Variants in NSL1 observed in about 807,000 individuals in gnomAD.
NSL1 encodes the protein kinetochore-associated protein NSL1 homolog.
NSL1 carries 11 observed loss-of-function variants against 25.4 expected under a neutral mutation model. The ratio of observed to expected loss-of-function variants is 0.43; its 90% CI spans 0.27 to 0.72. NSL1 has a LOEUF of 0.72. Among genes scored for constraint, NSL1 ranks in the 30% least tolerant of loss-of-function variants. NSL1 has a pLI of 0.19. For missense variants in NSL1, 330 were observed against 342.7 expected, an observed-to-expected ratio of 0.96 and a Z score of 0.29; for synonymous variants, 118 against 120.6, an observed-to-expected ratio of 0.98 and a Z score of 0.14.
At chr1:212,776,121 TTG>T (rs1660355574) in intron 4 of NSL1, among the ~76,000 whole-genome samples, 1 of 152,176 alleles carries the variant, frequency 6.6e-6, no homozygotes, top group South Asian at 2.1e-4. Flanking sequence ...AGCCCGTAAA[TTG>T]TGTTTTTTAA....
At chr1:212,783,323 G>C (rs534822070) in intron 3 of NSL1, among the ~76,000 whole-genome samples, 6 of 152,148 alleles carry the variant, frequency 3.9e-5, no homozygotes, top group African/African-American at 1.4e-4. Context: ...GCAGTAACAA[G>C]GGCAACACTG....
intron 4 of NSL1, among the ~76,000 whole-genome samples, chr1:212,779,404 C>A (rs1247527240): frequency 7.7e-6 from 1 of 130,394 alleles, no homozygotes; most frequent in Non-Finnish European, 1.7e-5. Flanking sequence ...CCCCGCCCGG[C>A]CAGCCGCCCC....
rs952354602 is a variant in NSL1 at position 212,751,485 on chromosome 1, T to C, written c.500-11884A>G. 5.3e-5 allele frequency among the ~76,000 whole-genome samples: 8 copies of C among 152,346 alleles called. 1 individual carries two copies. Among genetic ancestry groups the C allele is most frequent in the Non-Finnish European group, 1.5e-5 (1 of 68,040 alleles). ...CAAAATACTGCTTTGTCAGGAATTA[T>C]ACTGTCCTCATAAGAATATAAGTTA... On this transcript the variant is annotated intron_variant, in intron 4 of 5. Transcript: ENST00000366977.
intron 4 of NSL1, among the ~76,000 whole-genome samples, chr1:212,768,528 A>C (rs766230272): frequency 6.6e-6 from 1 of 152,208 alleles, no homozygotes; most frequent in Non-Finnish European, 1.5e-5. Flanking sequence ...GAAAATGTGA[A>C]TCCTACTCAG....
chr1:212,755,954 T>C (rs1416959042), intron 4 of NSL1, among the ~76,000 whole-genome samples: 3 of 152,186 alleles, frequency 2.0e-5, no homozygotes, highest in Non-Finnish European at 4.4e-5. Context: ...ATAAATTTTC[T>C]GTAAATTATG....
In NSL1 at chr1:212,731,638, T is replaced by C; in HGVS notation, c.*6770A>G. Reference sequence around the variant, plus strand: ...CTAAGTTCATCCACAGAGTTAATACTTCCCACTTCGTCAGCTCTTTATTCT... The same window carrying C: ...CTAAGTTCATCCACAGAGTTAATACCTCCCACTTCGTCAGCTCTTTATTCT... On this transcript the variant is annotated 3_prime_UTR_variant, in exon 6 of 6. Coordinates refer to ENST00000366977, the MANE Select transcript of NSL1 (RefSeq NM_015471.4). 1.0e-6 allele frequency: 1 copy of C among 985,440 alleles called. No individual in the cohort carries two copies. The highest frequency in any genetic ancestry group is 1.2e-6 in the Non-Finnish European group (1 of 829,916). The allele number at this position is 985,440 out of a possible 1,614,324, so 61.0% of individuals were successfully genotyped here.
At chr1:212,770,357 T>A (rs962231229) in intron 4 of NSL1, among the ~76,000 whole-genome samples, 10 of 151,856 alleles carry the variant, frequency 6.6e-5, no homozygotes, top group Non-Finnish European at 1.2e-4. Context: ...CACAGAAATA[T>A]AAATGATCAT....
intron 4 of NSL1, among the ~76,000 whole-genome samples, chr1:212,770,276 A>G (rs1391377459): frequency 1.3e-5 from 2 of 152,218 alleles, no homozygotes; most frequent in Non-Finnish European, 2.9e-5. Flanking sequence ...GAAAAGATAA[A>G]TGAAACTGAT....
Position 212,755,704 on chromosome 1 carries a change from C to T in NSL1, c.500-16103G>A, listed in dbSNP as rs187900325. Among the ~76,000 whole-genome samples the T allele has an allele frequency of 1.4e-4, 21 of 151,716 alleles. No individual in the cohort carries two copies. In the East Asian group the frequency reaches 3.9e-3, roughly 28 times the overall value. On this transcript the variant is annotated intron_variant, in intron 4 of 5. Coordinates refer to ENST00000366977, the MANE Select transcript of NSL1 (RefSeq NM_015471.4). ...CTATTTGAAGATGTGTGGGATGTGA[C>T]AGATTGGGAGGCGAAGTTATGGTAT... is the stretch of plus-strand genomic sequence containing the variant.
chr1:212,735,701 T>C lies in NSL1; in HGVS notation c.*2707A>G, dbSNP rs943442616. On this transcript the variant is annotated 3_prime_UTR_variant, in exon 6 of 6. Coordinates refer to ENST00000366977, the MANE Select transcript of NSL1 (RefSeq NM_015471.4). Reference sequence around the variant, plus strand: ...AGGGTGGGGCTCTGATCTGATACAATTGGTGTCCTTATAAGAAGAGACACC... The same window carrying C: ...AGGGTGGGGCTCTGATCTGATACAACTGGTGTCCTTATAAGAAGAGACACC... 1.5e-5 allele frequency: 4 copies of C among 263,414 alleles called. No individual in the cohort carries two copies. Among genetic ancestry groups the C allele is most frequent in the South Asian group, 2.8e-4 (2 of 7,074 alleles). The allele number at this position is 263,414 out of a possible 1,614,324, so 16.3% of individuals were successfully genotyped here. A position where few individuals can be genotyped will look rare whatever the true frequency, so the allele number is the denominator to read the frequency against.
chr1:212,765,602 C>T (rs983842873), intron 4 of NSL1, among the ~76,000 whole-genome samples: 1 of 152,108 alleles, frequency 6.6e-6, no homozygotes, highest in Non-Finnish European at 1.5e-5. Context: ...AGGCAGACCA[C>T]CTGAGGTCAG....
intron 4 of NSL1, among the ~76,000 whole-genome samples, chr1:212,773,422 T>C (rs1021500471): frequency 6.6e-6 from 1 of 152,030 alleles, no homozygotes; most frequent in Non-Finnish European, 1.5e-5. Context: ...CCAAAAGATA[T>C]ATGAAAAGAT....
Position 212,737,459 on chromosome 1 carries a change from A to G in NSL1, c.*949T>C. ...TGGTAAGTTTGATGGCCCTGCCTACACTGTATAATGTAAGACACACAATAA... is the reference window on the plus strand; with the variant it reads ...TGGTAAGTTTGATGGCCCTGCCTACGCTGTATAATGTAAGACACACAATAA... On this transcript the variant is annotated 3_prime_UTR_variant, in exon 6 of 6. Coordinates refer to ENST00000366977, the MANE Select transcript of NSL1 (RefSeq NM_015471.4). The G allele has an allele frequency of 1.0e-6, 1 of 985,176 alleles. No homozygotes were observed. The highest frequency in any genetic ancestry group is 1.7e-5 in the African/African-American group (1 of 57,374). 61.0% of individuals were successfully genotyped at this position (985,176 alleles called of 1,614,324 possible).
In NSL1 at chr1:212,727,576, C is replaced by G. The variant is rs934340931; in HGVS notation, c.*10832G>C. ...GTGTGCCACATACTTCTCTCAAAAACTTTATGACTCAGTTGTCTGGAAGTT... is the reference window on the plus strand; with the variant it reads ...GTGTGCCACATACTTCTCTCAAAAAGTTTATGACTCAGTTGTCTGGAAGTT... On this transcript the variant is annotated 3_prime_UTR_variant, in exon 6 of 6. Coordinates refer to ENST00000366977, the MANE Select transcript of NSL1 (RefSeq NM_015471.4). 2 of 985,416 alleles carry G rather than the reference C, an allele frequency of 2.0e-6. No individual in the cohort carries two copies. Among genetic ancestry groups the G allele is most frequent in the East Asian group, 1.1e-4 (1 of 8,820 alleles). The allele number at this position is 985,416 out of a possible 1,614,324, so 61.0% of individuals were successfully genotyped here. A position where few individuals can be genotyped will look rare whatever the true frequency, so the allele number is the denominator to read the frequency against.
Position 212,738,625 on chromosome 1 carries a change from A to AC in NSL1, c.628dup (p.Val210GlyfsTer17). On this transcript the variant is annotated frameshift_variant, in exon 6 of 6. Coordinates refer to ENST00000366977, the MANE Select transcript of NSL1 (RefSeq NM_015471.4). LOFTEE classifies it low-confidence loss of function (END_TRUNC). ...TTGGTGAATCCTCTGGAGGTGGATA[A>AC]CAGGCTGCATCCTGAGAACTTGGGA... 6.2e-7 allele frequency: 1 copy of AC among 1,614,166 alleles called. No homozygotes were observed. Among genetic ancestry groups the AC allele is most frequent in the Non-Finnish European group, 8.5e-7 (1 of 1,180,010 alleles).
Position 212,726,930 on chromosome 1 carries a change from C to G in NSL1, c.*11478G>C, listed in dbSNP as rs888761990. The G allele has an allele frequency of 8.8e-5, 42 of 478,536 alleles. No homozygotes were observed. The highest frequency in any genetic ancestry group is 5.6e-4 in the Admixed American group (15 of 26,818). The allele number at this position is 478,536 out of a possible 1,614,324, so 29.6% of individuals were successfully genotyped here. On this transcript the variant is annotated 3_prime_UTR_variant, in exon 6 of 6. Coordinates refer to ENST00000366977, the MANE Select transcript of NSL1 (RefSeq NM_015471.4). ...TGGACACCAGCACAGCACGGACTTT[C>G]CCGTCCTGTCTCTTCATGGTGGGTG...
At chr1:212,753,596 A>G (rs78801658) in intron 4 of NSL1, among the ~76,000 whole-genome samples, 3,470 of 152,280 alleles carry the variant, frequency 0.023, 63 homozygotes, top group South Asian at 0.042. Context: ...CTGCTCACTA[A>G]TATTACATCT....
chr1:212,765,350 A>G (rs988771757), intron 4 of NSL1, among the ~76,000 whole-genome samples: 1 of 152,224 alleles, frequency 6.6e-6, no homozygotes, highest in Non-Finnish European at 1.5e-5. Context: ...AATACTAGCT[A>G]ACCAAATCCA....
intron 1 of NSL1, among the ~76,000 whole-genome samples, chr1:212,790,930 A>T (rs11808882): frequency 0.18 from 27,752 of 151,304 alleles, 2,932 homozygotes; most frequent in African/African-American, 0.3. Context: ...CTCAAAAAAA[A>T]AAAATAAAAT....
Sources: allele counts gnomAD v4.1 joint callset (sites outside exome capture counted in the v4.1 genomes callset), GRCh38; gene constraint gnomAD v4.1.1; transcripts MANE v1.5; gene names NCBI Gene and HGNC (gene_info 2026-07-23, HGNC 2026-07-21).